The following ZHX2 variants were observed in gnomAD, a reference collection of about 807,000 sequenced individuals.
ZHX2 encodes the protein zinc fingers and homeoboxes 2.
Under a neutral mutation model 21.9 loss-of-function variants are expected in ZHX2, and 6 were observed. The ratio of observed to expected loss-of-function variants is 0.27; its 90% confidence interval spans 0.15 to 0.54. ZHX2 has a LOEUF of 0.54. Ranked by LOEUF, ZHX2 falls within the 20% of genes least tolerant of loss-of-function variation. The pLI, the probability that ZHX2 is intolerant of heterozygous loss-of-function variation, is 0.95. For missense variants in ZHX2, 908 were observed against 1,090.7 expected (o/e 0.83, Z 2.36); for synonymous variants, 434 against 437.1 (o/e 0.99, Z 0.09).
In ZHX2 at chr8:122,865,718, A is replaced by G. The variant is rs149422655; in HGVS notation, c.-220+2179A>G. ...AGTTAATTCACATGAAGCTGCTGGGATATAGTAAGTGCTCAATAAATATTA... is the reference window on the plus strand; with the variant it reads ...AGTTAATTCACATGAAGCTGCTGGGGTATAGTAAGTGCTCAATAAATATTA... On this transcript the variant is annotated intron_variant, in intron 2 of 3. Coordinates refer to ENST00000314393, the MANE Select transcript of ZHX2 (RefSeq NM_014943.5). Among the ~76,000 whole-genome samples the G allele has an allele frequency of 2.2e-4, 34 of 152,292 alleles. No homozygotes were observed. The East Asian group carries it at 6.4e-3, about 28-fold the overall frequency.
Position 122,953,427 on chromosome 8 carries a change from G to C in ZHX2, c.1917G>C (p.Gln639His). Reference sequence around the variant, plus strand: ...CAGCAATTGCAAAAAGTCAAGAACAGGTTCATCTCCTGAGGAGCACGTTTG... The same window carrying C: ...CAGCAATTGCAAAAAGTCAAGAACACGTTCATCTCCTGAGGAGCACGTTTG... The part of the protein sequence containing the change: ...PSPAIAKSQE[Q>H]VHLLRSTFAR... The change falls in exon 3 of 4, where the codon CAG becomes CAC. Residue 639 changes from glutamine to histidine, a missense_variant. Gln to His is a conservative substitution (Grantham distance 24). Coordinates refer to ENST00000314393, the MANE Select transcript of ZHX2 (RefSeq NM_014943.5). This position sits in a 1 kb window ranked among gnomAD's most constrained non-coding sequence, Gnocchi z 4.6. The C allele has an allele frequency of 1.2e-6, 2 of 1,614,174 alleles. No homozygotes were observed. The highest frequency in any genetic ancestry group is 2.2e-5 in the East Asian group (1 of 44,868).
chr8:122,965,871 T>C (rs1360779468), intron 3 of ZHX2, among the ~76,000 whole-genome samples: 2 of 152,210 alleles, frequency 1.3e-5, no homozygotes, highest in African/African-American at 2.4e-5. Context: ...AATATTTTTG[T>C]ATTGAACTAC....
At chr8:122,892,675 T>C (rs1820010302) in intron 2 of ZHX2, among the ~76,000 whole-genome samples, 1 of 152,154 alleles carries the variant, frequency 6.6e-6, no homozygotes, top group African/African-American at 2.4e-5. Context: ...AGCATGTCTT[T>C]TTTTATTTTT....
chr8:122,804,249 C>T (rs1357372297), intron 1 of ZHX2, among the ~76,000 whole-genome samples: 5 of 152,174 alleles, frequency 3.3e-5, no homozygotes, highest in Non-Finnish European at 7.3e-5. Context: ...GCTGGGACCA[C>T]AGGCGTGCAC....
At chr8:122,880,264 G>A (rs570732200) in intron 2 of ZHX2, among the ~76,000 whole-genome samples, 275 of 152,106 alleles carry the variant, frequency 1.8e-3, no homozygotes, top group Non-Finnish European at 3.3e-3. Flanking sequence ...ATGAGCCACT[G>A]CACCCAGCTG....
chr8:122,833,813 G>A (rs1205278911), intron 1 of ZHX2, among the ~76,000 whole-genome samples: 2 of 152,070 alleles, frequency 1.3e-5, no homozygotes, highest in African/African-American at 2.4e-5. Context: ...TGGCTAACAC[G>A]GTGAAACCTC....
intron 2 of ZHX2, among the ~76,000 whole-genome samples, chr8:122,888,301 A>C (rs997286408): frequency 2.0e-5 from 3 of 151,870 alleles, no homozygotes; most frequent in Non-Finnish European, 4.4e-5. Context: ...ATTATTGTAC[A>C]TATTTATGGG....
intron 1 of ZHX2, among the ~76,000 whole-genome samples, chr8:122,843,812 G>A (rs1483288025): frequency 2.0e-5 from 3 of 152,202 alleles, no homozygotes; most frequent in African/African-American, 7.2e-5. Context: ...TAGTCAGGGA[G>A]CTTCTTTCTC....
chr8:122,843,221 T>C (rs1242018902), intron 1 of ZHX2, among the ~76,000 whole-genome samples: 2 of 152,260 alleles, frequency 1.3e-5, no homozygotes, highest in Non-Finnish European at 2.9e-5. Flanking sequence ...CCTAAATCAG[T>C]ATTTCTCATT....
intron 2 of ZHX2, among the ~76,000 whole-genome samples, chr8:122,868,698 C>CAAAAAAAAAAAA: frequency 9.9e-6 from 1 of 100,646 alleles, no homozygotes; most frequent in Non-Finnish European, 1.9e-5. Context: ...AAGACTCCGT[C>CAAAAAAAAAAAA]AAAAAAAAAA....
chr8:122,834,584 T>C (rs973041585), intron 1 of ZHX2, among the ~76,000 whole-genome samples: 3 of 152,240 alleles, frequency 2.0e-5, no homozygotes, highest in African/African-American at 7.2e-5. Flanking sequence ...ACTTTCCTCA[T>C]CACGATTGTT....
chr8:122,959,804 G>C (rs527363586), intron 3 of ZHX2, among the ~76,000 whole-genome samples: 1 of 152,272 alleles, frequency 6.6e-6, no homozygotes, highest in African/African-American at 2.4e-5. Context: ...CTTCCCTCAT[G>C]CCTAACAGGG....
chr8:122,791,725 C>T (rs562104449), intron 1 of ZHX2, among the ~76,000 whole-genome samples: 35 of 152,154 alleles, frequency 2.3e-4, no homozygotes, highest in South Asian at 8.3e-4. Flanking sequence ...ATTAGCTGGG[C>T]GTGGTGGCAC....
intron 1 of ZHX2, among the ~76,000 whole-genome samples, chr8:122,824,831 G>A (rs1223338794): frequency 6.6e-6 from 1 of 152,226 alleles, no homozygotes. Flanking sequence ...TGTTGGCAGG[G>A]CTGTTCCTTC....
chr8:122,958,000 G>T (rs1813353338), intron 3 of ZHX2, among the ~76,000 whole-genome samples: 1 of 152,214 alleles, frequency 6.6e-6, no homozygotes, highest in African/African-American at 2.4e-5. Flanking sequence ...TTAGGAACCT[G>T]CAGTTCAGTT....
chr8:122,942,705 A>C (rs1343937063), intron 2 of ZHX2, among the ~76,000 whole-genome samples: 1 of 152,086 alleles, frequency 6.6e-6, no homozygotes, highest in Non-Finnish European at 1.5e-5. Context: ...CCATCCTGAC[A>C]GCCAGACTGT....
At chr8:122,868,248 A>AT (rs57991807) in intron 2 of ZHX2, among the ~76,000 whole-genome samples, 43,042 of 152,012 alleles carry the variant, frequency 0.28, 6,392 homozygotes, top group East Asian at 0.38. Flanking sequence ...TGTCAGAAGG[A>AT]TGGGCTTTAC....
intron 2 of ZHX2, among the ~76,000 whole-genome samples, chr8:122,946,873 A>G (rs1812988066): frequency 6.6e-6 from 1 of 152,042 alleles, no homozygotes. Context: ...GTGCACACGC[A>G]TGCACACACA....
chr8:122,833,136 G>T (rs1212894290), intron 1 of ZHX2, among the ~76,000 whole-genome samples: 1 of 152,154 alleles, frequency 6.6e-6, no homozygotes, highest in East Asian at 1.9e-4. Flanking sequence ...TGTGAAAAAG[G>T]CATTGTTTAA....
Sources: gnomAD v4.1 joint callset for allele counts (sites outside exome capture counted in the v4.1 genomes callset) on GRCh38, gnomAD v4.1.1 for gene constraint, Gnocchi (gnomAD v3.1) non-coding constraint, MANE v1.5 for transcripts, NCBI Gene and HGNC (gene_info 2026-07-23, HGNC 2026-07-21) for gene names.